The following UGT2B15 variants were observed in gnomAD, a reference collection of about 807,000 sequenced individuals.
UGT2B15 encodes the protein UDP-glucuronosyltransferase 2B15.
A neutral mutation model predicts 45.9 loss-of-function variants in UGT2B15; 36 were observed. That is an observed-to-expected ratio of 0.78 (90% CI 0.60 to 1.04). The LOEUF (loss-of-function observed/expected upper bound fraction) is 1.04, where lower values mean the gene tolerates loss of function less well. Ranked by LOEUF, UGT2B15 falls within the 50% of genes least tolerant of loss-of-function variation. The pLI is 0.00. For missense variants in UGT2B15, 617 were observed against 622.4 expected (o/e 0.99, Z 0.09); for synonymous variants, 219 against 216.4 (o/e 1.01, Z -0.11).
chr4:68,658,893 G>A (rs527705132), intron 3 of UGT2B15, among the ~76,000 whole-genome samples: 15 of 151,950 alleles, frequency 9.9e-5, no homozygotes, highest in African/African-American at 3.6e-4. Context: ...AGAAGAGGTG[G>A]GTGTGTGAGA....
At chr4:68,665,820 G>A (rs1178653948) in intron 2 of UGT2B15, among the ~76,000 whole-genome samples, 2 of 152,176 alleles carry the variant, frequency 1.3e-5, no homozygotes, top group Non-Finnish European at 2.9e-5. Context: ...GCTGAGGCAT[G>A]TGGATCACCT....
chr4:68,664,842 G>A (rs570284386), intron 2 of UGT2B15, among the ~76,000 whole-genome samples: 7 of 152,258 alleles, frequency 4.6e-5, no homozygotes, highest in African/African-American at 1.7e-4. Context: ...GGGATTACAG[G>A]CATGAGCCAC....
intron 5 of UGT2B15, among the ~76,000 whole-genome samples, chr4:68,650,835 G>A (rs1279477592): frequency 1.3e-5 from 2 of 151,694 alleles, no homozygotes; most frequent in African/African-American, 2.4e-5. Flanking sequence ...TTTAATCATC[G>A]CCATTCTGAC....
intron 3 of UGT2B15, among the ~76,000 whole-genome samples, chr4:68,657,602 C>T (rs1374918789): frequency 6.6e-6 from 1 of 152,066 alleles, no homozygotes; most frequent in African/African-American, 2.4e-5. Context: ...TTTATGACAC[C>T]TCTACTTGGC....
intron 3 of UGT2B15, among the ~76,000 whole-genome samples, chr4:68,661,588 TA>T (rs917778933): frequency 2.0e-5 from 3 of 152,072 alleles, no homozygotes; most frequent in African/African-American, 7.2e-5. Context: ...CTACTAGTCA[TA>T]AGTTATTTTA....
chr4:68,666,418 C>T (rs978875474), intron 2 of UGT2B15, among the ~76,000 whole-genome samples: 3 of 152,046 alleles, frequency 2.0e-5, no homozygotes, highest in Non-Finnish European at 4.4e-5. Flanking sequence ...CTGAAATAAT[C>T]ATAATATCAA....
chr4:68,663,429 G>A (rs35553179), intron 2 of UGT2B15, among the ~76,000 whole-genome samples: 5 of 152,052 alleles, frequency 3.3e-5, no homozygotes, highest in Non-Finnish European at 5.9e-5. Flanking sequence ...GCTAGAAAAT[G>A]TTACACCCAG....
intron 3 of UGT2B15, among the ~76,000 whole-genome samples, chr4:68,658,787 A>G (rs1732881581): frequency 6.6e-6 from 1 of 152,058 alleles, no homozygotes; most frequent in South Asian, 2.1e-4. Flanking sequence ...TTTTCAACTC[A>G]TATAAGTTTT....
intron 5 of UGT2B15, among the ~76,000 whole-genome samples, chr4:68,650,393 T>C (rs1251631666): frequency 6.6e-6 from 1 of 151,988 alleles, no homozygotes; most frequent in East Asian, 1.9e-4. Context: ...AGTGAGAACA[T>C]GTGGTGTTTG....
At position 68,670,026 on chromosome 4, in the gene UGT2B15, A is replaced by G; in HGVS notation, c.593T>C (p.Val198Ala). 1.2e-6 allele frequency: 2 copies of G among 1,614,048 alleles called. No homozygotes were observed. The highest frequency in any genetic ancestry group is 1.7e-6 in the Non-Finnish European group (2 of 1,179,970). The change falls in exon 1 of 6, where the codon GTT (valine) becomes GCT (alanine). Residue 198 changes from valine to alanine, a missense_variant. Physicochemically the swap from Val to Ala is moderately conservative, Grantham distance 64 (BLOSUM62 0). Around this residue, in one of 3 missense-constraint regions of UGT2B15, gnomAD observed 351 missense variants for 342.1 expected, o/e 1.03. Transcript: ENST00000338206. The stretch of plus-strand genomic sequence containing the variant: ...CATTTGATCACTTAATTCTGACATA[A>G]CAACAGGTACATAGGAAGGAGGGAA... ...FLFPPSYVPV[V>A]MSELSDQMIF...
intron 3 of UGT2B15, among the ~76,000 whole-genome samples, chr4:68,661,276 C>T (rs1019870014): frequency 3.9e-5 from 6 of 152,032 alleles, no homozygotes; most frequent in African/African-American, 9.7e-5. Context: ...CTGATTGCCT[C>T]CTTGGAGAGG....
intron 4 of UGT2B15, among the ~76,000 whole-genome samples, chr4:68,654,794 G>T (rs773692664): frequency 6.6e-6 from 1 of 151,904 alleles, no homozygotes; most frequent in Non-Finnish European, 1.5e-5. Context: ...AGGTAAAGCT[G>T]CATAAATAGG....
chr4:68,651,570 C>T (rs997807108), intron 5 of UGT2B15, among the ~76,000 whole-genome samples: 2 of 151,824 alleles, frequency 1.3e-5, no homozygotes, highest in Admixed American at 6.6e-5. Context: ...AGGAAGGGAT[C>T]CAGTGGCAGT....
At position 68,670,560 on chromosome 4, in the gene UGT2B15, G is replaced by A. The variant is rs1350043262; in HGVS notation, c.59C>T (p.Ser20Phe). 2 of 1,605,516 alleles carry A rather than the reference G, an allele frequency of 1.2e-6. No individual in the cohort carries two copies. Among genetic ancestry groups the A allele is most frequent in the Admixed American group, 3.5e-5 (2 of 56,852 alleles). ...CACTAGCACCTTTCCACAGCTTCCA[G>A]AGCTAAAGTAACAACTGAGCTGTAT... is the stretch of plus-strand genomic sequence containing the variant. ...LLIQLSCYFSSGSCGKVLVWP... is the reference protein window; with the variant it reads ...LLIQLSCYFSFGSCGKVLVWP... The change falls in exon 1 of 6, where the codon TCT becomes TTT. Residue 20 changes from serine to phenylalanine, a missense_variant. Transcript: ENST00000338206.
chr4:68,661,626 G>A (rs1405778124), intron 3 of UGT2B15, among the ~76,000 whole-genome samples: 1 of 151,914 alleles, frequency 6.6e-6, no homozygotes, highest in Admixed American at 6.6e-5. Flanking sequence ...GATTACAAAA[G>A]ACTAAATATT....
In UGT2B15 at chr4:68,670,602, G is replaced by A. The variant is rs749976072; in HGVS notation, c.17C>T (p.Thr6Met). Residue 6 changes from threonine (T) to methionine (M), a missense_variant, in exon 1 of 6, where the codon ACG (threonine) becomes ATG (methionine). Thr to Met is a moderately conservative substitution (Grantham distance 81, BLOSUM62 -1). Around this residue, in one of 3 missense-constraint regions of UGT2B15, gnomAD observed 351 missense variants for 342.1 expected, o/e 1.03. Coordinates refer to ENST00000338206, the MANE Select transcript of UGT2B15 (RefSeq NM_001076.4). MSLKWTSVFLLIQLSC... is the reference protein window; with the variant it reads MSLKWMSVFLLIQLSC... ...GAGCTGTATCAGCAGAAAGACTGAC[G>A]TCCATTTCAGAGACATCCTGGTCTT... 2.0e-5 allele frequency: 31 copies of A among 1,576,492 alleles called. No homozygotes were observed. Among genetic ancestry groups the A allele is most frequent in the Middle Eastern group, 1.7e-4 (1 of 5,902 alleles).
At chr4:68,668,314 GATAAAAT>G in intron 1 of UGT2B15, 126 bp from the exon 2 acceptor site, 1 of 1,344,528 alleles carries the variant, frequency 7.4e-7, no homozygotes, top group Non-Finnish European at 1.0e-6. Flanking sequence ...TCTGTGCATT[GATAAAAT>G]ATATATAAAT....
At chr4:68,668,455 A>T (rs2109836894) in intron 1 of UGT2B15, among the ~76,000 whole-genome samples, 1 of 152,244 alleles carries the variant, frequency 6.6e-6, no homozygotes, top group African/African-American at 2.4e-5. Flanking sequence ...TAACATCAGT[A>T]TATTCACAAT....
Position 68,668,230 on chromosome 4 carries a change from G to T in UGT2B15, c.725-42C>A, listed in dbSNP as rs754679095. 3 of 1,606,014 alleles carry T rather than the reference G, an allele frequency of 1.9e-6. No individual in the cohort carries two copies. The East Asian group carries it at 6.7e-5, about 36-fold the overall frequency. On this transcript the variant is annotated intron_variant, in intron 1 of 5. Transcript: ENST00000338206. ...AAACAAAACAAAAGGTAGCTAACAC[G>T]AGAATTGTTATTTGAATATGCAGGT...
Sources: allele counts gnomAD v4.1 joint callset (sites outside exome capture counted in the v4.1 genomes callset), GRCh38; gene constraint gnomAD v4.1.1; regional missense constraint gnomAD v4.1.1; transcripts MANE v1.5; gene names NCBI Gene and HGNC (gene_info 2026-07-23, HGNC 2026-07-21).